The following HSF4 variants were observed in gnomAD, a reference collection of about 807,000 sequenced individuals.
HSF4 encodes heat shock transcription factor 4.
HSF4 carries 41 observed loss-of-function variants against 52.0 expected under a neutral mutation model. That is an observed-to-expected ratio of 0.79 (90% CI 0.61 to 1.02). HSF4 has a LOEUF of 1.02. Among genes scored for constraint, HSF4 ranks in the 50% least tolerant of loss-of-function variants. The probability of loss-of-function intolerance (pLI) is 0.00; values close to 1 mark genes in which losing one functional copy is unlikely to be tolerated. For missense variants in HSF4, 610 were observed against 651.1 expected, an observed-to-expected ratio of 0.94 and a Z score of 0.69; for synonymous variants, 285 against 273.0, an observed-to-expected ratio of 1.04 and a Z score of -0.43.
In HSF4 at chr16:67,165,575, G is replaced by C; in HGVS notation, c.177G>C (p.Leu59=). Reference sequence around the variant, plus strand: ...AGAGCCGTTTCGCCAAGGAAGTGCTGCCCCAGTATTTCAAGCATAGCAACA... The same window carrying C: ...AGAGCCGTTTCGCCAAGGAAGTGCTCCCCCAGTATTTCAAGCATAGCAACA... ...SDQSRFAKEV[L]PQYFKHSNMA... The change falls in exon 2 of 13, where the codon CTG becomes CTC. Residue 59 remains leucine (L), a synonymous_variant. Coordinates refer to ENST00000521374, the MANE Select transcript of HSF4 (RefSeq NM_001374675.1). This position sits in a 1 kb window ranked among gnomAD's most constrained non-coding sequence, Gnocchi z 6.9. 1 of 1,613,344 alleles carries C rather than the reference G, an allele frequency of 6.2e-7. No individual in the cohort carries two copies.
At position 67,169,819 on chromosome 16, in the gene HSF4, C is replaced by T; in HGVS notation, c.*34C>T. On this transcript the variant is annotated 3_prime_UTR_variant, in exon 13 of 13. Coordinates refer to ENST00000521374, the MANE Select transcript of HSF4 (RefSeq NM_001374675.1). The surrounding 1 kb of genome is among the most constrained non-coding windows in gnomAD (Gnocchi z 4.3). ...GCCTCTGAAGGGGCTTGGAACCAGT[C>T]CGCCGCTGCACATCCTTCTTGGCTT... 1.2e-6 allele frequency: 2 copies of T among 1,612,490 alleles called. No homozygotes were observed. The highest frequency in any genetic ancestry group is 2.2e-5 in the East Asian group (1 of 44,878).
chr16:67,164,522 G>A, upstream of HSF4: 1 of 635,006 alleles, frequency 1.6e-6, no homozygotes, highest in Non-Finnish European at 2.9e-6. Context: ...CGAGAGGGGT[G>A]GGACTCGAAC....
chr16:67,166,503 CG>C, intron 5 of HSF4, 54 bp from the exon 6 acceptor site: 4 of 1,600,586 alleles, frequency 2.5e-6, no homozygotes, highest in Non-Finnish European at 3.4e-6. Context: ...CCTGGAAGTG[CG>C]GGGGTGGGGG....
chr16:67,163,840 C>A (rs558390665), upstream of HSF4: 10 of 1,530,004 alleles, frequency 6.5e-6, no homozygotes, highest in Non-Finnish European at 8.7e-6. Context: ...TTCTCTCCCC[C>A]GTCCCCGTGG....
upstream of HSF4, chr16:67,163,789 C>T (rs774618366): frequency 2.6e-6 from 4 of 1,567,380 alleles, no homozygotes; most frequent in Middle Eastern, 1.7e-4. Context: ...ACGCGCGAGC[C>T]GCATCCCTGG....
In HSF4 at chr16:67,166,510, G is replaced by A. The variant is rs138295025; in HGVS notation, c.562-48G>A. The A allele has an allele frequency of 8.0e-3, 12,862 of 1,604,036 alleles. 66 individuals are homozygous for A. Among genetic ancestry groups the A allele is most frequent in the Non-Finnish European group, 9.7e-3 (11,334 of 1,171,364 alleles). Reference sequence around the variant, plus strand: ...CTCCCTCACCTGGAAGTGCGGGGGTGGGGGGGCTGTGTCCAAAGTATGAAT... The same window carrying A: ...CTCCCTCACCTGGAAGTGCGGGGGTAGGGGGGCTGTGTCCAAAGTATGAAT... On this transcript the variant is annotated intron_variant, in intron 5 of 12. Transcript: ENST00000521374.
chr16:67,164,979 C>T, intron 1 of HSF4, 45 bp downstream of exon 1: 1 of 1,544,198 alleles, frequency 6.5e-7, no homozygotes, highest in Non-Finnish European at 8.7e-7. Context: ...CCCGGGGTCC[C>T]TCCACGTCAG....
upstream of HSF4, chr16:67,164,214 G>A (rs779180631): frequency 6.4e-6 from 3 of 467,892 alleles, no homozygotes; most frequent in Non-Finnish European, 1.2e-5. Flanking sequence ...ATCTGAAAGG[G>A]AAGGACAGGG....
chr16:67,167,915 T>A lies in HSF4; in HGVS notation c.1050T>A (p.Pro350=), dbSNP rs1170583484. The part of the protein sequence containing the change: ...SPEGPRNAQQ[P]EPGDPREIPD... The stretch of plus-strand genomic sequence containing the variant: ...AGGGGCCCAGGAATGCCCAACAGCC[T>A]GAACCAGGGGATCCCAGGGAGATAC... The change falls in exon 9 of 13, where the codon CCT becomes CCA. Residue 350 remains proline (P), a synonymous_variant. Coordinates refer to ENST00000521374, the MANE Select transcript of HSF4 (RefSeq NM_001374675.1). 1 of 1,601,490 alleles carries A rather than the reference T, an allele frequency of 6.2e-7. No homozygotes were observed. The highest frequency in any genetic ancestry group is 1.7e-5 in the Admixed American group (1 of 59,186).
rs1201186490 is a variant in HSF4 at position 67,169,470 on chromosome 16, G to C, written c.1324+122G>C. The C allele has an allele frequency of 6.4e-7, 1 of 1,570,602 alleles. No homozygotes were observed. The highest frequency in any genetic ancestry group is 8.6e-7 in the Non-Finnish European group (1 of 1,161,228). ...CTGAGTTCAGGCTGCACTGCAGAGC[G>C]TTCCTTGAGCCACCCATGCCCTCAC... On this transcript the variant is annotated intron_variant, in intron 12 of 12. Coordinates refer to ENST00000521374, the MANE Select transcript of HSF4 (RefSeq NM_001374675.1). The surrounding 1 kb of genome is among the most constrained non-coding windows in gnomAD (Gnocchi z 4.3).
At position 67,169,394 on chromosome 16, in the gene HSF4, C is replaced by T. The variant is rs765542080; in HGVS notation, c.1324+46C>T. On this transcript the variant is annotated intron_variant, in intron 12 of 12. Coordinates refer to ENST00000521374, the MANE Select transcript of HSF4 (RefSeq NM_001374675.1). The surrounding 1 kb of genome is among the most constrained non-coding windows in gnomAD (Gnocchi z 4.3). ...TACCTGGGAGGACGCCGTGATTGGG[C>T]TGAGCTACCTTGATTGAGTGAGGGG... The T allele has an allele frequency of 5.6e-6, 9 of 1,595,762 alleles. No homozygotes were observed. The South Asian group carries it at 1.0e-4, about 18-fold the overall frequency.
At chr16:67,163,847 G>A, upstream of HSF4, 2 of 1,523,248 alleles carry the variant, frequency 1.3e-6, no homozygotes, top group East Asian at 2.3e-5. Flanking sequence ...CCCCGTCCCC[G>A]TGGACGTAAG....
chr16:67,164,085 G>C, upstream of HSF4: 1 of 691,072 alleles, frequency 1.4e-6, no homozygotes. Context: ...TGCGGACTCT[G>C]CAGCTCCGCG....
At position 67,164,806 on chromosome 16, in the gene HSF4, T is replaced by C. The variant is rs1202737715; in HGVS notation, c.-6T>C. 1 of 1,597,114 alleles carries C rather than the reference T, an allele frequency of 6.3e-7. No homozygotes were observed. The highest frequency in any genetic ancestry group is 1.7e-5 in the Admixed American group (1 of 59,644). On this transcript the variant is annotated 5_prime_UTR_variant, in exon 1 of 13. Transcript: ENST00000521374. ...CCCGAGCGCAGAGCCGGGCCGAGAC[T>C]GCACCATGCAGGAAGCGCCAGCTGC...
rs755141712 is a variant in HSF4, at chr16:67,167,774, C to T, written c.909C>T (p.Gly303=). The T allele has an allele frequency of 2.6e-5, 42 of 1,601,658 alleles. No individual in the cohort carries two copies. The highest frequency in any genetic ancestry group is 9.4e-5 in the African/African-American group (7 of 74,716). ...KEEPASPGGD[G]EAGLALAPNE... ...AGCCGGCCAGTCCAGGGGGGGATGGCGAGGCCGGGCTGGCCCTGGCCCCAA... is the reference window on the plus strand; with the variant it reads ...AGCCGGCCAGTCCAGGGGGGGATGGTGAGGCCGGGCTGGCCCTGGCCCCAA... The change falls in exon 9 of 13, where the codon GGC becomes GGT. Residue 303 remains glycine (G), a synonymous_variant. Transcript: ENST00000521374.
In HSF4 at chr16:67,165,315, G is replaced by C. The variant is rs1246923452; in HGVS notation, c.124-207G>C. The C allele has an allele frequency of 1.6e-6, 1 of 610,772 alleles. No homozygotes were observed. The highest frequency in any genetic ancestry group is 2.9e-6 in the Non-Finnish European group (1 of 344,656). 37.8% of individuals were successfully genotyped at this position (610,772 alleles called of 1,614,324 possible). On this transcript the variant is annotated intron_variant, in intron 1 of 12. Transcript: ENST00000521374. This position sits in a 1 kb window ranked among gnomAD's most constrained non-coding sequence, Gnocchi z 6.9. Reference sequence around the variant, plus strand: ...TGAGTATGGAGTCAGGGTCTGGCTGGGGGTAGGGACTCACTGTGGTCGCTC... The same window carrying C: ...TGAGTATGGAGTCAGGGTCTGGCTGCGGGTAGGGACTCACTGTGGTCGCTC...
At chr16:67,167,407 G>C in intron 7 of HSF4, 68 bp from the exon 8 acceptor site, 1 of 1,613,136 alleles carries the variant, frequency 6.2e-7, no homozygotes, top group Non-Finnish European at 8.5e-7. Context: ...GCCCAGGTGG[G>C]TGTTGGTGGG....
chr16:67,166,121 A>T (rs1314945586), intron 4 of HSF4, 51 bp downstream of exon 4: 4 of 1,503,404 alleles, frequency 2.7e-6, no homozygotes, highest in Non-Finnish European at 3.6e-6. Flanking sequence ...GTTCGGGATG[A>T]GACCATAACT....
At chr16:67,167,407 G>A (rs747519198) in intron 7 of HSF4, 68 bp from the exon 8 acceptor site, 26 of 1,613,018 alleles carry the variant, frequency 1.6e-5, no homozygotes, top group Non-Finnish European at 2.1e-5. Flanking sequence ...GCCCAGGTGG[G>A]TGTTGGTGGG....
Sources: gnomAD v4.1 joint callset for allele counts on GRCh38, gnomAD v4.1.1 for gene constraint, Gnocchi (gnomAD v3.1) non-coding constraint, MANE v1.5 for transcripts, NCBI Gene and HGNC (gene_info 2026-07-23, HGNC 2026-07-21) for gene names.